SRPK2: variants seen among roughly 807,000 people sequenced by gnomAD.
The protein encoded by SRPK2 is SRSF protein kinase 2.
A neutral mutation model predicts 90.8 loss-of-function variants in SRPK2; 21 were observed. That is an observed-to-expected ratio of 0.23 (90% CI 0.16 to 0.33). The LOEUF is 0.33. Among genes scored for constraint, SRPK2 ranks in the 10% least tolerant of loss-of-function variants. The probability of loss-of-function intolerance (pLI) is 1.00; values close to 1 mark genes in which losing one functional copy is unlikely to be tolerated. For synonymous variants in SRPK2, 288 were observed against 311.1 expected (o/e 0.93, Z 0.78); for missense variants, 620 against 869.0 (o/e 0.71, Z 3.60).
chr7:105,220,052 C>T (rs951580410), intron 2 of SRPK2, among the ~76,000 whole-genome samples: 3 of 152,046 alleles, frequency 2.0e-5, no homozygotes, highest in African/African-American at 7.2e-5. Context: ...TTTAAGAACT[C>T]AAATAGTATC....
chr7:105,322,626 T>G (rs1585701900), intron 2 of SRPK2, among the ~76,000 whole-genome samples: 1 of 151,798 alleles, frequency 6.6e-6, no homozygotes, highest in Non-Finnish European at 1.5e-5. Context: ...CTTACTGGGG[T>G]GACAAAACAT....
chr7:105,371,703 AGT>A (rs1376091407), intron 2 of SRPK2, among the ~76,000 whole-genome samples: 4 of 151,956 alleles, frequency 2.6e-5, no homozygotes. Context: ...AAGGCTGCAG[AGT>A]GAGACCCTGT....
intron 2 of SRPK2, among the ~76,000 whole-genome samples, chr7:105,309,826 C>T (rs574079771): frequency 3.9e-5 from 6 of 152,176 alleles, no homozygotes; most frequent in Non-Finnish European, 8.8e-5. Context: ...ATTCTGCAGA[C>T]AGATACTGGT....
intron 3 of SRPK2, among the ~76,000 whole-genome samples, chr7:105,188,368 T>C (rs1007980596): frequency 5.3e-5 from 8 of 152,210 alleles, no homozygotes; most frequent in Admixed American, 3.9e-4. Context: ...TGGACAGTCA[T>C]TTCTTCTGGA....
chr7:105,215,888 A>G (rs938398789), intron 2 of SRPK2, among the ~76,000 whole-genome samples: 16 of 152,156 alleles, frequency 1.1e-4, no homozygotes, highest in African/African-American at 3.9e-4. Context: ...GGGGGTGATA[A>G]AATAGTTATA....
chr7:105,237,358 T>C (rs1348782798), intron 2 of SRPK2, among the ~76,000 whole-genome samples: 2 of 152,236 alleles, frequency 1.3e-5, no homozygotes, highest in African/African-American at 2.4e-5. Flanking sequence ...TATGCAATCT[T>C]CTCAGTACAT....
At chr7:105,145,468 A>G (rs1198491333) in intron 8 of SRPK2, among the ~76,000 whole-genome samples, 160 bp from the exon 9 acceptor site, 3 of 152,216 alleles carry the variant, frequency 2.0e-5, no homozygotes, top group Non-Finnish European at 2.9e-5. Flanking sequence ...ATCTAGAGTA[A>G]GTTTATGCCA....
At chr7:105,277,102 A>G (rs1045622460) in intron 2 of SRPK2, among the ~76,000 whole-genome samples, 2 of 151,670 alleles carry the variant, frequency 1.3e-5, no homozygotes, top group African/African-American at 4.9e-5. Flanking sequence ...TTTGAGACAG[A>G]GTCTCACTCT....
At chr7:105,164,008 T>C (rs1296183871) in intron 6 of SRPK2, among the ~76,000 whole-genome samples, 2 of 152,190 alleles carry the variant, frequency 1.3e-5, no homozygotes, top group Non-Finnish European at 2.9e-5. Context: ...ACGGAAATTT[T>C]AAACAGGTAC....
At chr7:105,119,196 T>G (rs1312182989) in intron 15 of SRPK2, among the ~76,000 whole-genome samples, 1 of 151,750 alleles carries the variant, frequency 6.6e-6, no homozygotes, top group East Asian at 1.9e-4. Flanking sequence ...TTTCAACTGC[T>G]TTAATTTAAA....
intron 2 of SRPK2, among the ~76,000 whole-genome samples, chr7:105,242,742 C>G (rs1029772823): frequency 1.3e-5 from 2 of 152,046 alleles, no homozygotes; most frequent in African/African-American, 4.8e-5. Context: ...CATCTGCATT[C>G]AAGAGGGGGC....
intron 15 of SRPK2, among the ~76,000 whole-genome samples, chr7:105,124,697 C>T (rs576884519): frequency 2.9e-5 from 4 of 137,834 alleles, no homozygotes; most frequent in African/African-American, 1.1e-4. Context: ...GTAAGGTAGA[C>T]AGAGCATCTG....
intron 11 of SRPK2, among the ~76,000 whole-genome samples, chr7:105,137,114 G>T (rs1301967452): frequency 1.3e-5 from 2 of 152,196 alleles, no homozygotes; most frequent in East Asian, 3.8e-4. Context: ...AGGCAGGCAT[G>T]AAAGTAAGAG....
At chr7:105,222,542 A>T (rs1798225872) in intron 2 of SRPK2, among the ~76,000 whole-genome samples, 1 of 152,252 alleles carries the variant, frequency 6.6e-6, no homozygotes, top group Non-Finnish European at 1.5e-5. Flanking sequence ...ATCATTAGTA[A>T]GTTTGAAACT....
chr7:105,256,608 C>G (rs1463995549), intron 2 of SRPK2, among the ~76,000 whole-genome samples: 3 of 152,172 alleles, frequency 2.0e-5, no homozygotes, highest in African/African-American at 7.2e-5. Context: ...TCCTCCCACT[C>G]TGGTCTCCCA....
rs367842413 is a variant in SRPK2 at position 105,327,891 on chromosome 7, C to T, written c.71+60757G>A. On this transcript the variant is annotated intron_variant, in intron 2 of 15. Coordinates refer to ENST00000393651, the MANE Select transcript of SRPK2 (RefSeq NM_182692.3). ...TCCCGGCTCACTGCAAGCTCCACCT[C>T]GCAGGTTCACGCCATTCTCCTGCCT... Among the ~76,000 whole-genome samples, 5 of 152,342 alleles carry T rather than the reference C, an allele frequency of 3.3e-5. No homozygotes were observed. The East Asian group carries it at 7.7e-4, about 23-fold the overall frequency.
chr7:105,371,614 G>T (rs1819700640), intron 2 of SRPK2, among the ~76,000 whole-genome samples: 1 of 147,326 alleles, frequency 6.8e-6, no homozygotes, highest in Admixed American at 6.9e-5. Flanking sequence ...ACACTAGTCA[G>T]GTATGGTAGG....
intron 2 of SRPK2, among the ~76,000 whole-genome samples, chr7:105,378,859 T>C (rs1471953544): frequency 6.6e-6 from 1 of 152,120 alleles, no homozygotes; most frequent in Non-Finnish European, 1.5e-5. Flanking sequence ...AGGTAAAATT[T>C]ATTACAATGA....
chr7:105,126,893 A>C, intron 14 of SRPK2, 100 bp downstream of exon 14: 1 of 1,220,312 alleles, frequency 8.2e-7, no homozygotes, highest in Non-Finnish European at 1.2e-6. Context: ...TTGAAAACCA[A>C]ACACATGGCT....
Sources: gnomAD v4.1 joint callset for allele counts (sites outside exome capture counted in the v4.1 genomes callset) on GRCh38, gnomAD v4.1.1 for gene constraint, MANE v1.5 for transcripts, NCBI Gene and HGNC (gene_info 2026-07-23, HGNC 2026-07-21) for gene names.